UGT2B4: variants seen among roughly 807,000 people sequenced by gnomAD.
The protein encoded by UGT2B4 is UDP-glucuronosyltransferase 2B4.
Under a neutral mutation model 49.8 loss-of-function variants are expected in UGT2B4, and 49 were observed. The ratio of observed to expected loss-of-function variants is 0.98; its 90% CI spans 0.78 to 1.25. UGT2B4 has a LOEUF of 1.25. Ranked by LOEUF, UGT2B4 falls within the 50% of genes most tolerant of loss-of-function variation. The probability of loss-of-function intolerance (pLI) is 0.00; values close to 1 mark genes in which losing one functional copy is unlikely to be tolerated. For synonymous variants in UGT2B4, 246 were observed against 217.7 expected, an observed-to-expected ratio of 1.13 and a Z score of -1.14; for missense variants, 729 against 627.7, an observed-to-expected ratio of 1.16 and a Z score of -1.73.
chr4:69,492,778 T>C (rs1728028835), intron 2 of UGT2B4, among the ~76,000 whole-genome samples: 1 of 152,186 alleles, frequency 6.6e-6, no homozygotes, highest in East Asian at 1.9e-4. Flanking sequence ...ATGAAGTTAG[T>C]CATATTACTG....
intron 1 of UGT2B4, among the ~76,000 whole-genome samples, chr4:69,524,028 A>G (rs2109836266): frequency 6.6e-6 from 1 of 152,220 alleles, no homozygotes; most frequent in Admixed American, 6.5e-5. Context: ...AAAGAGCTAG[A>G]GTCTTTCTCT....
chr4:69,503,609 C>G (rs1371539645), intron 1 of UGT2B4, among the ~76,000 whole-genome samples: 3 of 152,222 alleles, frequency 2.0e-5, no homozygotes, highest in Non-Finnish European at 4.4e-5. Context: ...TAAAGCTGCA[C>G]AGAGAACAGG....
chr4:69,488,014 C>G (rs1050086825), intron 3 of UGT2B4, among the ~76,000 whole-genome samples: 1 of 151,920 alleles, frequency 6.6e-6, no homozygotes. Flanking sequence ...GACAAAAATG[C>G]AAGTCTATAA....
At chr4:69,485,544 G>A in intron 4 of UGT2B4, 117 bp from the exon 5 acceptor site, 1 of 1,426,212 alleles carries the variant, frequency 7.0e-7, no homozygotes, top group Non-Finnish European at 9.7e-7. Flanking sequence ...AATTAAAATT[G>A]TTTTTGAGAC....
intron 1 of UGT2B4, among the ~76,000 whole-genome samples, chr4:69,512,834 C>G (rs542314692): frequency 1.3e-5 from 2 of 152,214 alleles, no homozygotes; most frequent in African/African-American, 4.8e-5. Flanking sequence ...CTTTAACGAT[C>G]AAAAAAGTTG....
At chr4:69,510,977 C>CCTTTTT (rs1486311871) in intron 1 of UGT2B4, among the ~76,000 whole-genome samples, 3 of 98,168 alleles carry the variant, frequency 3.1e-5, no homozygotes, top group African/African-American at 7.3e-5. Context: ...AATACTCTTT[C>CCTTTTT]TTTTCTTTTC....
chr4:69,486,892 C>T (rs1292853529), intron 3 of UGT2B4, among the ~76,000 whole-genome samples, 196 bp from the exon 4 acceptor site: 1 of 152,044 alleles, frequency 6.6e-6, no homozygotes, highest in Non-Finnish European at 1.5e-5. Context: ...CATGATTTTT[C>T]AAAATAGTAG....
chr4:69,510,982 C>CTTTTTTTTTTTTT (rs1259714505), intron 1 of UGT2B4, among the ~76,000 whole-genome samples: 15 of 110,994 alleles, frequency 1.4e-4, no homozygotes, highest in Non-Finnish European at 2.1e-4. Context: ...TCTTTCTTTT[C>CTTTTTTTTTTTTT]TTTTCTTCTT....
At chr4:69,524,503 A>C (rs1370884) in intron 1 of UGT2B4, among the ~76,000 whole-genome samples, 53,381 of 151,696 alleles carry the variant, frequency 0.35, 9,490 homozygotes, top group Non-Finnish European at 0.37. Flanking sequence ...TGTGACACCC[A>C]CAAACAATTA....
intron 2 of UGT2B4, among the ~76,000 whole-genome samples, chr4:69,492,919 A>C (rs1482309139): frequency 6.6e-6 from 1 of 152,026 alleles, no homozygotes; most frequent in Non-Finnish European, 1.5e-5. Flanking sequence ...AATCCATCGA[A>C]CATCTTGGAA....
chr4:69,481,105 A>AAAAAAG (rs1727577308), intron 5 of UGT2B4, among the ~76,000 whole-genome samples, 195 bp from the exon 6 acceptor site: 1 of 149,160 alleles, frequency 6.7e-6, no homozygotes, highest in Non-Finnish European at 1.5e-5. Context: ...AAAAAAAAAA[A>AAAAAAG]AAAAAAAAAA....
At chr4:69,497,620 C>T (rs139147396), upstream of UGT2B4, among the ~76,000 whole-genome samples, 25 of 152,148 alleles carry the variant, frequency 1.6e-4, no homozygotes, top group South Asian at 4.1e-3. Context: ...GCTGCAATCT[C>T]GTGATAAAAC....
At chr4:69,514,090 A>G (rs1728673058) in intron 1 of UGT2B4, among the ~76,000 whole-genome samples, 1 of 152,010 alleles carries the variant, frequency 6.6e-6, no homozygotes, top group Admixed American at 6.6e-5. Flanking sequence ...AATTTTGCAT[A>G]TGCTTTTTTT....
At chr4:69,499,939 T>G (rs999518192), upstream of UGT2B4, among the ~76,000 whole-genome samples, 6 of 152,208 alleles carry the variant, frequency 3.9e-5, no homozygotes, top group African/African-American at 1.4e-4. Flanking sequence ...TAAAGATACA[T>G]GCACACATAT....
Position 69,483,448 on chromosome 4 carries a change from G to A in UGT2B4, c.1310+1760C>T, listed in dbSNP as rs41297725. Among the ~76,000 whole-genome samples the A allele has an allele frequency of 2.3e-3, 354 of 152,106 alleles. 1 individual carries two copies. Among genetic ancestry groups the A allele is most frequent in the Non-Finnish European group, 3.4e-3 (229 of 67,962 alleles). On this transcript the variant is annotated intron_variant, in intron 5 of 5. Transcript: ENST00000305107. ...TAATTGTGTTCTTCAGTTGTTTTAT[G>A]TCCTTACTCATTATTTGGTCTTATT...
At chr4:69,520,057 A>T (rs1728813084) in intron 1 of UGT2B4, among the ~76,000 whole-genome samples, 3 of 152,220 alleles carry the variant, frequency 2.0e-5, no homozygotes, top group Admixed American at 1.3e-4. Flanking sequence ...TAGATTTTTT[A>T]AAAACTCTAC....
chr4:69,501,800 T>A (rs913703912), intron 1 of UGT2B4, among the ~76,000 whole-genome samples: 1 of 151,936 alleles, frequency 6.6e-6, no homozygotes, highest in African/African-American at 2.4e-5. Flanking sequence ...CAGGGGCTGA[T>A]ATGTACCCCC....
chr4:69,518,050 GA>G (rs1371656734), intron 1 of UGT2B4: 1 of 152,280 alleles, frequency 6.6e-6, no homozygotes, highest in African/African-American at 2.4e-5. Flanking sequence ...TCTAGATTCA[GA>G]AAAATTATTC....
At chr4:69,507,585 T>C (rs1049055411) in intron 1 of UGT2B4, among the ~76,000 whole-genome samples, 3 of 151,632 alleles carry the variant, frequency 2.0e-5, no homozygotes, top group African/African-American at 7.3e-5. Context: ...CACAAACAAA[T>C]AGAAAAACAT....
Sources: allele counts gnomAD v4.1 joint callset (sites outside exome capture counted in the v4.1 genomes callset), GRCh38; gene constraint gnomAD v4.1.1; transcripts MANE v1.5; gene names NCBI Gene and HGNC (gene_info 2026-07-23, HGNC 2026-07-21).